MOB3B: variants seen among roughly 807,000 people sequenced by gnomAD.
The protein encoded by MOB3B is MOB kinase activator-like 2B.
A neutral mutation model predicts 18.7 loss-of-function variants in MOB3B; 7 were observed. The observed-to-expected ratio is 0.37, with a 90% CI of 0.21 to 0.70. The LOEUF is 0.70. MOB3B is among the 30% of genes least tolerant of loss of function. MOB3B has a pLI of 0.52. For missense variants in MOB3B, 253 were observed against 281.3 expected, an observed-to-expected ratio of 0.90 and a Z score of 0.72; for synonymous variants, 111 against 99.9, an observed-to-expected ratio of 1.11 and a Z score of -0.66.
At chr9:27,343,478 T>TAAAAAAAAAAAAAAAAAAAAA (rs779124158) in intron 3 of MOB3B, among the ~76,000 whole-genome samples, 4 of 84,318 alleles carry the variant, frequency 4.7e-5, no homozygotes, top group African/African-American at 2.0e-4. Context: ...CAATAAATAC[T>TAAAAAAAAAAAAAAAAAAAAA]AAAAAAAAAA....
At chr9:27,488,377 TC>T (rs1819761935) in intron 1 of MOB3B, among the ~76,000 whole-genome samples, 1 of 152,202 alleles carries the variant, frequency 6.6e-6, no homozygotes, top group African/African-American at 2.4e-5. Context: ...TACACAGAGA[TC>T]CAAGATTGGT....
chr9:27,412,634 G>C lies in MOB3B; in HGVS notation c.418+42499C>G, dbSNP rs1822087810. The stretch of plus-strand genomic sequence containing the variant: ...CCAAAGCAAGTCTTCTGAATTTACA[G>C]CCATACATAAAAAATAAAGCAAACA... On this transcript the variant is annotated intron_variant, in intron 2 of 3. Transcript: ENST00000262244. Among the ~76,000 whole-genome samples, 5 of 152,082 alleles carry C rather than the reference G, an allele frequency of 3.3e-5. No individual in the cohort carries two copies. In the South Asian group the frequency reaches 1.0e-3, roughly 32 times the overall value.
At chr9:27,353,764 G>A (rs546655820) in intron 3 of MOB3B, among the ~76,000 whole-genome samples, 2 of 152,118 alleles carry the variant, frequency 1.3e-5, no homozygotes, top group African/African-American at 2.4e-5. Context: ...CTCTGAGTCT[G>A]CTTTTGTTTT....
In MOB3B at chr9:27,404,347, C is replaced by CTTTTTTTTTTT. The variant is rs756275032; in HGVS notation, c.419-45122_419-45112dup. Among the ~76,000 whole-genome samples the CTTTTTTTTTTT allele has an allele frequency of 4.2e-3, 313 of 75,174 alleles. 4 individuals are homozygous for CTTTTTTTTTTT. Among genetic ancestry groups the CTTTTTTTTTTT allele is most frequent in the Non-Finnish European group, 5.5e-3 (227 of 41,230 alleles). 49.3% of individuals were successfully genotyped at this position (75,174 alleles called of 152,430 possible). A position where few individuals can be genotyped will look rare whatever the true frequency, so the allele number is the denominator to read the frequency against. ...TCTTTCTTTCTTTCCTTCTTTCTTT[C>CTTTTTTTTTTT]TTTTTTTTTTTTTTTTTTTTTTTTT... On this transcript the variant is annotated intron_variant, in intron 2 of 3. Transcript: ENST00000262244.
intron 2 of MOB3B, among the ~76,000 whole-genome samples, chr9:27,435,231 T>G (rs1292323501): frequency 6.6e-6 from 1 of 152,182 alleles, no homozygotes; most frequent in East Asian, 1.9e-4. Context: ...TTTAATTTGT[T>G]TCAGCAAACT....
At chr9:27,494,890 C>G (rs775570864) in intron 1 of MOB3B, among the ~76,000 whole-genome samples, 3 of 152,140 alleles carry the variant, frequency 2.0e-5, no homozygotes, top group Non-Finnish European at 4.4e-5. Context: ...AATTTTGGAT[C>G]CTGAAGATCT....
At chr9:27,525,003 C>T in intron 1 of MOB3B, 1 of 1,452,828 alleles carries the variant, frequency 6.9e-7, no homozygotes, top group Non-Finnish European at 9.2e-7. Context: ...TCCGAAATCT[C>T]TTTCTCCTTC....
At chr9:27,404,148 T>C (rs926973632) in intron 2 of MOB3B, among the ~76,000 whole-genome samples, 5 of 151,748 alleles carry the variant, frequency 3.3e-5, no homozygotes, top group African/African-American at 7.3e-5. Context: ...TGACTACCCT[T>C]TTTTTTTCTT....
intron 2 of MOB3B, among the ~76,000 whole-genome samples, chr9:27,451,034 C>G (rs1214379168): frequency 6.6e-6 from 1 of 152,104 alleles, no homozygotes; most frequent in Non-Finnish European, 1.5e-5. Flanking sequence ...TATACATGTT[C>G]TTATTCCTTC....
chr9:27,463,369 C>T (rs917573564), intron 1 of MOB3B, among the ~76,000 whole-genome samples: 2 of 152,002 alleles, frequency 1.3e-5, no homozygotes, highest in African/African-American at 2.4e-5. Context: ...AGTAAGTAGC[C>T]AAGCTGACTC....
chr9:27,524,592 G>A (rs113363499), intron 1 of MOB3B: 3 of 1,614,084 alleles, frequency 1.9e-6, no homozygotes, highest in African/African-American at 1.3e-5. Context: ...CATCAAGAAG[G>A]CCTTCTATGA....
At chr9:27,493,572 T>C (rs1159295817) in intron 1 of MOB3B, among the ~76,000 whole-genome samples, 1 of 151,504 alleles carries the variant, frequency 6.6e-6, no homozygotes, top group Admixed American at 6.6e-5. Flanking sequence ...ACCTGGGAGG[T>C]GAAGGTTGCA....
intron 2 of MOB3B, among the ~76,000 whole-genome samples, chr9:27,426,563 CCAGAGCGTCATGGCCATTGCCTGT>C (rs1056872902): frequency 7.2e-5 from 11 of 152,210 alleles, no homozygotes; most frequent in African/African-American, 2.7e-4. Flanking sequence ...GAAGCTCGCT[CCAGAGCGTCATGGCCATTGCCTGT>C]CAGAGCTCTA....
intron 1 of MOB3B, among the ~76,000 whole-genome samples, chr9:27,522,110 C>T (rs149414682): frequency 0.014 from 2,132 of 151,348 alleles, 18 homozygotes; most frequent in Non-Finnish European, 0.02. Context: ...GACATGGTGA[C>T]GCGTGCCTGT....
intron 2 of MOB3B, among the ~76,000 whole-genome samples, chr9:27,418,086 C>T (rs180688939): frequency 0.029 from 575 of 19,722 alleles, 5 homozygotes; most frequent in African/African-American, 0.076. Flanking sequence ...GGTGAGACTC[C>T]ACCTCAAAAA....
chr9:27,361,995 G>A (rs12349361), intron 2 of MOB3B, among the ~76,000 whole-genome samples: 5,861 of 152,232 alleles, frequency 0.039, 394 homozygotes, highest in African/African-American at 0.13. Context: ...CCTCCACACT[G>A]GCTACAGATA....
intron 2 of MOB3B, among the ~76,000 whole-genome samples, chr9:27,425,732 G>GGTTCAT (rs79195202): frequency 0.17 from 26,591 of 151,974 alleles, 2,579 homozygotes; most frequent in Middle Eastern, 0.25. Context: ...AGGGGTCAAG[G>GGTTCAT]GTTCAGTGTG....
chr9:27,359,221 T>TG lies in MOB3B; in HGVS notation c.433_434insC (p.Lys145ThrfsTer101), dbSNP rs1821237165. The TG allele has an allele frequency of 6.2e-7, 1 of 1,614,022 alleles. No homozygotes were observed. Among genetic ancestry groups the TG allele is most frequent in the Non-Finnish European group, 8.5e-7 (1 of 1,180,018 alleles). Reference sequence around the variant, plus strand: ...CTTCTTGCAGATCTGAAGGAAGTTCTTTGGGAAGGGAACACCTAGAGAAGA... The same window carrying TG: ...CTTCTTGCAGATCTGAAGGAAGTTCTGTTGGGAAGGGAACACCTAGAGAAGA... On this transcript the variant is annotated frameshift_variant, in exon 3 of 4. Coordinates refer to ENST00000262244, the MANE Select transcript of MOB3B (RefSeq NM_024761.5). LOFTEE classifies it high-confidence loss of function.
intron 1 of MOB3B, among the ~76,000 whole-genome samples, chr9:27,528,042 G>C (rs1232034899): frequency 6.6e-6 from 1 of 152,180 alleles, no homozygotes; most frequent in African/African-American, 2.4e-5. Context: ...CGTCGTCTGA[G>C]TCCTCTTTTT....
Sources: gnomAD v4.1 joint callset for allele counts (sites outside exome capture counted in the v4.1 genomes callset) on GRCh38, gnomAD v4.1.1 for gene constraint, MANE v1.5 for transcripts, NCBI Gene and HGNC (gene_info 2026-07-23, HGNC 2026-07-21) for gene names.